The following ANKRD30B variants were observed in gnomAD, a reference collection of about 807,000 sequenced individuals.
The protein encoded by ANKRD30B is ankyrin repeat domain-containing protein 30B.
A neutral mutation model predicts 202.2 loss-of-function variants in ANKRD30B; 144 were observed. That is an observed-to-expected ratio of 0.71 (90% CI 0.62 to 0.82). The LOEUF is 0.82. Among genes scored for constraint, ANKRD30B ranks in the 40% least tolerant of loss-of-function variants. The probability of loss-of-function intolerance (pLI) is 0.00; values close to 1 mark genes in which losing one functional copy is unlikely to be tolerated. For synonymous variants in ANKRD30B, 508 were observed against 561.3 expected, an observed-to-expected ratio of 0.91 and a Z score of 1.34; for missense variants, 1,487 against 1,669.1, an observed-to-expected ratio of 0.89 and a Z score of 1.90.
chr18:14,791,481 A>G lies in ANKRD30B; in HGVS notation c.1815A>G (p.Gly605=). The G allele has an allele frequency of 1.9e-6, 3 of 1,608,206 alleles. No homozygotes were observed. The highest frequency in any genetic ancestry group is 2.5e-6 in the Non-Finnish European group (3 of 1,177,724). Residue 605 remains glycine (G), a synonymous_variant, in exon 16 of 44, where the codon GGA becomes GGG. Transcript: ENST00000690538. ...AAAAAGAATTCGATACCTTAAGTGGAAAATTAGAAGGTAAGAACCATTTTT... is the reference window on the plus strand; with the variant it reads ...AAAAAGAATTCGATACCTTAAGTGGGAAATTAGAAGGTAAGAACCATTTTT... ...THQKEFDTLS[G]KLEESPVKDG... is the part of the protein sequence containing the mutation.
chr18:14,848,508 G>A (rs1003903779), intron 39 of ANKRD30B, among the ~76,000 whole-genome samples: 5 of 151,468 alleles, frequency 3.3e-5, no homozygotes, highest in Non-Finnish European at 5.9e-5. Flanking sequence ...AACTTTTCTG[G>A]GGCTTTGCTT....
chr18:14,791,678 A>G (rs984665480), intron 16 of ANKRD30B, among the ~76,000 whole-genome samples, 187 bp downstream of exon 16: 8 of 152,180 alleles, frequency 5.3e-5, no homozygotes, highest in Non-Finnish European at 8.8e-5. Flanking sequence ...GAGAGTGCTG[A>G]AAAGGAACTG....
chr18:14,902,236 G>C, the ANKRD30B span, among the ~76,000 whole-genome samples: 1 of 152,120 alleles, frequency 6.6e-6, no homozygotes, highest in Non-Finnish European at 1.5e-5. Flanking sequence ...GAAGATTTAG[G>C]TGGGGACACA....
chr18:14,837,226 A>G lies in ANKRD30B; in HGVS notation c.2863A>G (p.Thr955Ala). 1 of 1,547,614 alleles carries G rather than the reference A, an allele frequency of 6.5e-7. No individual in the cohort carries two copies. Among genetic ancestry groups the G allele is most frequent in the Non-Finnish European group, 8.7e-7 (1 of 1,145,046 alleles). ...NLTTKEGATKTVTGQQERDIG... is the reference protein window; with the variant it reads ...NLTTKEGATKAVTGQQERDIG... ...TTTGTAATAGGAGGGAGCAACAAAG[A>G]CAGTAACTGGACAACAGGAACGTGA... The change falls in exon 35 of 44, where the codon ACA (threonine) becomes GCA (alanine). Residue 955 changes from threonine to alanine, a missense_variant. This residue lies in a region of ANKRD30B where 218 missense variants were observed against 320.1 expected (regional missense o/e 0.68). Transcript: ENST00000690538.
the ANKRD30B span, among the ~76,000 whole-genome samples, chr18:14,910,394 G>A: frequency 7.3e-5 from 11 of 151,554 alleles, no homozygotes; most frequent in Admixed American, 1.3e-4. Context: ...TTTCATCTAC[G>A]TTCCTAAAAA....
the ANKRD30B span, among the ~76,000 whole-genome samples, chr18:14,934,732 A>C: frequency 6.6e-6 from 1 of 152,126 alleles, no homozygotes; most frequent in Non-Finnish European, 1.5e-5. Flanking sequence ...AATAGCAAGA[A>C]GGGATCCGGA....
chr18:14,939,823 C>T, the ANKRD30B span, among the ~76,000 whole-genome samples: 3 of 152,216 alleles, frequency 2.0e-5, no homozygotes, highest in Non-Finnish European at 4.4e-5. Flanking sequence ...CCAGATGCCA[C>T]CAGGCATAGC....
the ANKRD30B span, among the ~76,000 whole-genome samples, chr18:14,880,059 A>G: frequency 2.6e-5 from 4 of 152,068 alleles, no homozygotes; most frequent in Non-Finnish European, 4.4e-5. Flanking sequence ...ATTTTTGTAT[A>G]AGGTGAGAGA....
At chr18:14,918,837 T>C in the ANKRD30B span, among the ~76,000 whole-genome samples, 1 of 152,174 alleles carries the variant, frequency 6.6e-6, no homozygotes, top group East Asian at 1.9e-4. Context: ...TGTTGGGAGG[T>C]GGGGCCTTTA....
chr18:14,768,779 G>A (rs1255413646), intron 7 of ANKRD30B, among the ~76,000 whole-genome samples: 1 of 152,080 alleles, frequency 6.6e-6, no homozygotes, highest in Non-Finnish European at 1.5e-5. Context: ...CATTTTTCTA[G>A]AAATTATACT....
At chr18:14,895,066 C>A in the ANKRD30B span, among the ~76,000 whole-genome samples, 1 of 151,434 alleles carries the variant, frequency 6.6e-6, no homozygotes, top group Non-Finnish European at 1.5e-5. Flanking sequence ...CATGTTTTCA[C>A]TTATAAGTGG....
chr18:14,799,076 A>T (rs751158263), intron 20 of ANKRD30B, 25 bp from the exon 21 acceptor site: 53 of 1,554,030 alleles, frequency 3.4e-5, no homozygotes, highest in Non-Finnish European at 4.4e-5. Flanking sequence ...CATATAATCA[A>T]TTATATATGT....
At chr18:14,806,902 G>A (rs562165856) in intron 24 of ANKRD30B, among the ~76,000 whole-genome samples, 1 of 150,958 alleles carries the variant, frequency 6.6e-6, no homozygotes, top group South Asian at 2.1e-4. Flanking sequence ...AATTTCTGAG[G>A]TTTCTTCAGT....
At chr18:14,786,044 CAAAAAA>C (rs10572502) in intron 14 of ANKRD30B, among the ~76,000 whole-genome samples, 13 of 72,746 alleles carry the variant, frequency 1.8e-4, no homozygotes, top group African/African-American at 6.1e-4. Context: ...GACTCCGTCT[CAAAAAA>C]AAAAAAAAAA....
the ANKRD30B span, among the ~76,000 whole-genome samples, chr18:14,880,708 G>A: frequency 6.6e-6 from 1 of 151,740 alleles, no homozygotes; most frequent in African/African-American, 2.4e-5. Context: ...TGGGATTATA[G>A]GCATGCACCA....
chr18:14,849,912 AATAATTTTC>A (rs566377334), intron 40 of ANKRD30B, among the ~76,000 whole-genome samples: 340 of 151,760 alleles, frequency 2.2e-3, no homozygotes, highest in African/African-American at 7.8e-3. Context: ...ATTTTTAAAA[AATAATTTTC>A]AACTTATAAA....
At chr18:14,797,378 T>C (rs1968979744) in intron 18 of ANKRD30B, among the ~76,000 whole-genome samples, 1 of 152,180 alleles carries the variant, frequency 6.6e-6, no homozygotes, top group African/African-American at 2.4e-5. Flanking sequence ...TGTTGGCTCA[T>C]TCTGGCAGTC....
intron 30 of ANKRD30B, among the ~76,000 whole-genome samples, chr18:14,818,424 A>G (rs1055130413): frequency 1.3e-5 from 2 of 151,868 alleles, no homozygotes; most frequent in African/African-American, 4.8e-5. Context: ...GGTTAGTTAC[A>G]TATGTATACA....
the ANKRD30B span, among the ~76,000 whole-genome samples, chr18:14,927,111 G>A: frequency 6.6e-6 from 1 of 152,044 alleles, no homozygotes; most frequent in Non-Finnish European, 1.5e-5. Context: ...GTTATTTAAA[G>A]TAAGTAATTT....
Sources: gnomAD v4.1 joint callset for allele counts (sites outside exome capture counted in the v4.1 genomes callset) on GRCh38, gnomAD v4.1.1 for gene constraint, gnomAD v4.1.1 regional missense constraint, MANE v1.5 for transcripts, NCBI Gene and HGNC (gene_info 2026-07-23, HGNC 2026-07-21) for gene names.